The following RARB variants were observed in gnomAD, a reference collection of about 807,000 sequenced individuals.
The protein encoded by RARB is retinoic acid receptor beta.
In RARB, 17 loss-of-function variants were observed where a neutral mutation model predicts 51.9. The ratio of observed to expected loss-of-function variants is 0.33; its 90% confidence interval spans 0.22 to 0.49. The LOEUF (loss-of-function observed/expected upper bound fraction) is 0.49. Ranked by LOEUF, RARB falls within the 20% of genes least tolerant of loss-of-function variation. The probability of loss-of-function intolerance (pLI) is 0.99; values close to 1 mark genes in which losing one functional copy is unlikely to be tolerated. For missense variants in RARB, 369 were observed against 550.8 expected (o/e 0.67, Z 3.30); for synonymous variants, 215 against 195.4 (o/e 1.10, Z -0.84).
intron 4 of RARB, among the ~76,000 whole-genome samples, chr3:25,156,236 A>G (rs554212324): frequency 6.6e-6 from 1 of 152,316 alleles, no homozygotes; most frequent in Admixed American, 6.5e-5. Context: ...GTCTGTGTTG[A>G]TGGACACTGG....
intron 5 of RARB, among the ~76,000 whole-genome samples, chr3:25,257,270 C>T (rs1415877950): frequency 6.6e-6 from 1 of 152,022 alleles, no homozygotes. Context: ...CCGGGTACCA[C>T]ATCTTAAGGG....
intron 5 of RARB, among the ~76,000 whole-genome samples, chr3:25,222,189 C>T (rs1454299177): frequency 2.0e-5 from 3 of 152,140 alleles, no homozygotes; most frequent in East Asian, 1.9e-4. Flanking sequence ...CAGAAAGCAT[C>T]GAGGGGCAGA....
At chr3:25,094,743 G>GAAAAAAAAAAAAAAAA (rs1559464234) in intron 3 of RARB, among the ~76,000 whole-genome samples, 19 of 87,004 alleles carry the variant, frequency 2.2e-4, no homozygotes, top group South Asian at 7.3e-4. Context: ...AAAAAAAAAG[G>GAAAAAAAAAAAAAAAA]AAACTGCAAC....
At chr3:24,842,208 G>A (rs560149166) in intron 1 of RARB, among the ~76,000 whole-genome samples, 1 of 152,126 alleles carries the variant, frequency 6.6e-6, no homozygotes, top group South Asian at 2.1e-4. Flanking sequence ...CATTTTTTGG[G>A]TTTTATCAGA....
chr3:25,206,976 A>C (rs574186278), intron 5 of RARB, among the ~76,000 whole-genome samples: 2 of 152,312 alleles, frequency 1.3e-5, no homozygotes, highest in African/African-American at 4.8e-5. Context: ...GACTTTGCAG[A>C]ATTTACCCTG....
Position 25,039,508 on chromosome 3 carries a change from G to A in RARB, c.-379-20617G>A, listed in dbSNP as rs142277575. 3.9e-5 allele frequency among the ~76,000 whole-genome samples: 6 copies of A among 152,252 alleles called. No individual in the cohort carries two copies. In the South Asian group the frequency reaches 6.2e-4, roughly 16 times the overall value. ...CCCAAGAATTAGGAAATAGGGCCAC[G>A]GTAGTGAGGAGATAGGTATGATCCT... On this transcript the variant is annotated intron_variant, in intron 2 of 11. Transcript: ENST00000383772.
intron 2 of RARB, among the ~76,000 whole-genome samples, chr3:24,880,903 T>G (rs1431384966): frequency 6.6e-6 from 1 of 152,218 alleles, no homozygotes; most frequent in Admixed American, 6.5e-5. Context: ...CAATAAAGAT[T>G]TATAGACTTA....
intron 5 of RARB, among the ~76,000 whole-genome samples, chr3:25,274,682 A>C (rs1380642074): frequency 6.6e-6 from 1 of 152,118 alleles, no homozygotes; most frequent in Non-Finnish European, 1.5e-5. Flanking sequence ...AGGGCTTTGG[A>C]GGGCTTAGTG....
At chr3:25,543,918 T>A (rs1205107408) in intron 3 of RARB, among the ~76,000 whole-genome samples, 1 of 152,226 alleles carries the variant, frequency 6.6e-6, no homozygotes, top group Admixed American at 6.5e-5. Flanking sequence ...TCCTTTATAA[T>A]CCCTTTCTTG....
intron 5 of RARB, chr3:25,259,001 A>G (rs1702933904): frequency 3.1e-6 from 3 of 983,470 alleles, no homozygotes; most frequent in Non-Finnish European, 3.6e-6. Flanking sequence ...GACAAACCAT[A>G]GTATATGGTG....
intron 1 of RARB, among the ~76,000 whole-genome samples, chr3:25,438,674 C>G (rs1036151062): frequency 6.6e-6 from 1 of 152,274 alleles, no homozygotes; most frequent in South Asian, 2.1e-4. Flanking sequence ...TCTCTAGGCT[C>G]CATGTGCTGT....
intron 3 of RARB, among the ~76,000 whole-genome samples, chr3:25,103,676 G>T (rs1699446101): frequency 6.6e-6 from 1 of 152,208 alleles, no homozygotes; most frequent in South Asian, 2.1e-4. Flanking sequence ...ATTTTCTAGA[G>T]ATGAAATAAC....
At chr3:25,186,974 A>G (rs1004401818) in intron 5 of RARB, among the ~76,000 whole-genome samples, 6 of 149,134 alleles carry the variant, frequency 4.0e-5, no homozygotes, top group Non-Finnish European at 8.9e-5. Flanking sequence ...GTAGCCAGTC[A>G]TATCAGTCAC....
intron 5 of RARB, among the ~76,000 whole-genome samples, chr3:25,300,366 T>A (rs867449097): frequency 6.6e-6 from 1 of 152,236 alleles, no homozygotes; most frequent in African/African-American, 2.4e-5. Context: ...TTTTTCACAA[T>A]GTGCAAGACT....
chr3:25,331,505 C>G (rs1704894097), intron 5 of RARB, among the ~76,000 whole-genome samples: 1 of 152,322 alleles, frequency 6.6e-6, no homozygotes, highest in South Asian at 2.1e-4. Flanking sequence ...ATACCAGAAT[C>G]TCTGGGACAC....
chr3:24,894,398 G>C (rs1703441578), intron 2 of RARB, among the ~76,000 whole-genome samples: 1 of 151,644 alleles, frequency 6.6e-6, no homozygotes, highest in South Asian at 2.1e-4. Flanking sequence ...ACTTCACTTA[G>C]GATAATGACC....
intron 3 of RARB, among the ~76,000 whole-genome samples, chr3:25,555,383 T>G (rs978254149): frequency 6.6e-6 from 1 of 152,172 alleles, no homozygotes; most frequent in South Asian, 2.1e-4. Flanking sequence ...TAACACTTAT[T>G]ACCTGTCATT....
intron 5 of RARB, among the ~76,000 whole-genome samples, chr3:25,250,405 C>T (rs1213382017): frequency 1.3e-5 from 2 of 152,136 alleles, no homozygotes; most frequent in Non-Finnish European, 2.9e-5. Context: ...GTGCTGCAGT[C>T]CTACTACTGA....
chr3:25,472,961 C>T (rs1286650150), intron 2 of RARB, among the ~76,000 whole-genome samples: 1 of 152,202 alleles, frequency 6.6e-6, no homozygotes, highest in Non-Finnish European at 1.5e-5. Flanking sequence ...CTTGCCATAG[C>T]TCTGGAAACA....
Sources: gnomAD v4.1 joint callset for allele counts (sites outside exome capture counted in the v4.1 genomes callset) on GRCh38, gnomAD v4.1.1 for gene constraint, MANE v1.5 for transcripts, NCBI Gene and HGNC (gene_info 2026-07-23, HGNC 2026-07-21) for gene names.